The following CDKL5 variants were observed in gnomAD, a reference collection of about 807,000 sequenced individuals.
The protein encoded by CDKL5 is cyclin-dependent kinase-like 5.
A neutral mutation model predicts 61.7 loss-of-function variants in CDKL5; 8 were observed. The observed-to-expected ratio is 0.13, with a 90% CI of 0.08 to 0.23. The LOEUF (loss-of-function observed/expected upper bound fraction) is 0.23. Ranked by LOEUF, CDKL5 falls within the 10% of genes least tolerant of loss-of-function variation. The pLI is 1.00. For synonymous variants in CDKL5, 275 were observed against 272.3 expected, an observed-to-expected ratio of 1.01 and a Z score of -0.10; for missense variants, 440 against 734.5, an observed-to-expected ratio of 0.60 and a Z score of 4.63.
intron 1 of CDKL5, among the ~76,000 whole-genome samples, chrX:18,446,699 C>G (rs1460000098): frequency 9.0e-6 from 1 of 111,653 alleles, no homozygotes; most frequent in Admixed American, 9.6e-5. Context: ...AGTCGGTATT[C>G]CCTGGTGTGA....
intron 1 of CDKL5, among the ~76,000 whole-genome samples, chrX:18,466,713 A>G (rs1378935299): frequency 2.7e-5 from 3 of 111,344 alleles, no homozygotes; most frequent in Middle Eastern, 4.6e-3. Context: ...GGGTTTCGCC[A>G]TGTTGCCCAG....
At chrX:18,570,622 A>G (rs1282264532) in intron 4 of CDKL5, among the ~76,000 whole-genome samples, 1 of 111,707 alleles carries the variant, frequency 9.0e-6, no homozygotes, top group Non-Finnish European at 1.9e-5. Context: ...CTCTTTGGCT[A>G]TACAAAAATG....
chrX:18,544,235 A>G lies in CDKL5; in HGVS notation c.100-20242A>G, dbSNP rs1178861726. ...CTTTGTGAGTCTGGGCTTTATAATC[A>G]TAAGGGCTGTTAGTTCTCTCCATGG... is the stretch of plus-strand genomic sequence containing the variant. On this transcript the variant is annotated intron_variant, in intron 3 of 17. Transcript: ENST00000623535. Among the ~76,000 whole-genome samples the G allele has an allele frequency of 3.6e-5, 4 of 112,081 alleles. No individual in the cohort carries two copies. In the South Asian group the frequency reaches 1.5e-3, roughly 42 times the overall value.
chrX:18,588,413 A>G (rs1269671515), intron 9 of CDKL5: 3 of 263,183 alleles, frequency 1.1e-5, no homozygotes, highest in African/African-American at 8.6e-5. Flanking sequence ...TTTACACACT[A>G]AACTTTGGTT....
At chrX:18,544,028 C>T (rs185738010) in intron 3 of CDKL5, among the ~76,000 whole-genome samples, 247 of 111,878 alleles carry the variant, frequency 2.2e-3, no homozygotes, top group African/African-American at 7.2e-3. Flanking sequence ...GGTAGTGCTT[C>T]CCTGGCCCCA....
chrX:18,580,969 A>G (rs1335998675), intron 6 of CDKL5, among the ~76,000 whole-genome samples: 1 of 107,578 alleles, frequency 9.3e-6, no homozygotes, highest in African/African-American at 3.4e-5. Flanking sequence ...GTAGATCTCC[A>G]CGTCAACTGG....
chrX:18,502,631 ACT>A (rs1450151297), intron 1 of CDKL5, among the ~76,000 whole-genome samples: 2 of 111,307 alleles, frequency 1.8e-5, no homozygotes, highest in Non-Finnish European at 3.8e-5. Context: ...TTCAAGAGTT[ACT>A]CTGACTTCTT....
chrX:18,543,319 A>G (rs771039198), intron 3 of CDKL5, among the ~76,000 whole-genome samples: 3 of 109,504 alleles, frequency 2.7e-5, no homozygotes, highest in Non-Finnish European at 3.8e-5. Flanking sequence ...TTATTTGTCT[A>G]TCGGTGCCAG....
At chrX:18,537,604 A>G (rs1344046728) in intron 3 of CDKL5, among the ~76,000 whole-genome samples, 1 of 111,971 alleles carries the variant, frequency 8.9e-6, no homozygotes, top group Non-Finnish European at 1.9e-5. Flanking sequence ...AAGCTACAGA[A>G]CGGTTTTATC....
At chrX:18,440,679 G>A (rs1460970927) in intron 1 of CDKL5, among the ~76,000 whole-genome samples, 1 of 111,723 alleles carries the variant, frequency 9.0e-6, no homozygotes, top group African/African-American at 3.3e-5. Flanking sequence ...CACTGTGTTG[G>A]TCAGGCTGGT....
At chrX:18,482,674 C>G (rs1405436131) in intron 1 of CDKL5, among the ~76,000 whole-genome samples, 1 of 103,976 alleles carries the variant, frequency 9.6e-6, no homozygotes, top group Non-Finnish European at 2.0e-5. Flanking sequence ...TTTGTCAGTT[C>G]TTGTTTTTTT....
At chrX:18,564,422 C>T in intron 3 of CDKL5, 55 bp from the exon 4 acceptor site, 1 of 871,395 alleles carries the variant, frequency 1.1e-6, no homozygotes. Flanking sequence ...AACTGGAATC[C>T]CCAGTCGGAA....
intron 3 of CDKL5, chrX:18,534,929 CA>C (rs1420735213): frequency 2.7e-5 from 3 of 112,470 alleles, no homozygotes; most frequent in Non-Finnish European, 5.6e-5. Flanking sequence ...AGGTACCAAA[CA>C]GCAGCAGACT....
chrX:18,570,431 T>A (rs1221966439), intron 4 of CDKL5, among the ~76,000 whole-genome samples: 1 of 111,873 alleles, frequency 8.9e-6, no homozygotes, highest in Non-Finnish European at 1.9e-5. Flanking sequence ...CTCATCTTTC[T>A]TGGTGTATGT....
chrX:18,625,905 C>A (rs1364038636), intron 17 of CDKL5, among the ~76,000 whole-genome samples: 1 of 111,438 alleles, frequency 9.0e-6, no homozygotes, highest in African/African-American at 3.3e-5. Flanking sequence ...TTCAGTATCC[C>A]ATAATGAGCA....
chrX:18,427,330 G>C (rs190489231), intron 1 of CDKL5, among the ~76,000 whole-genome samples: 9 of 103,967 alleles, frequency 8.7e-5, no homozygotes, highest in Non-Finnish European at 1.6e-4. Flanking sequence ...CGGGGGTTGG[G>C]GGGGAGGTGA....
chrX:18,609,301 G>A (rs1926463883), intron 13 of CDKL5, among the ~76,000 whole-genome samples, 164 bp from the exon 14 acceptor site: 2 of 111,429 alleles, frequency 1.8e-5, no homozygotes, highest in Admixed American at 1.9e-4. Flanking sequence ...GGCTGAGGCA[G>A]GAGGATTGCT....
At position 18,554,651 on chromosome X, in the gene CDKL5, G is replaced by A. The variant is rs189416371; in HGVS notation, c.100-9826G>A. 4.2e-3 allele frequency among the ~76,000 whole-genome samples: 461 copies of A among 110,365 alleles called. 4 individuals are homozygous for A. The highest frequency in any genetic ancestry group is 0.014 in the African/African-American group (434 of 30,424). On this transcript the variant is annotated intron_variant, in intron 3 of 17. Transcript: ENST00000623535. Reference sequence around the variant, plus strand: ...GGCTGGTCTCGAACTCCTGACCTCAGGTGATCCGTCCGCTTCGGCCTCCCA... The same window carrying A: ...GGCTGGTCTCGAACTCCTGACCTCAAGTGATCCGTCCGCTTCGGCCTCCCA...
At chrX:18,563,020 C>G (rs1436431409) in intron 3 of CDKL5, among the ~76,000 whole-genome samples, 1 of 111,888 alleles carries the variant, frequency 8.9e-6, no homozygotes, top group African/African-American at 3.2e-5. Flanking sequence ...TAAAATCAGA[C>G]AAAGTTTTAA....
Sources: allele counts gnomAD v4.1 joint callset (sites outside exome capture counted in the v4.1 genomes callset), GRCh38; gene constraint gnomAD v4.1.1; transcripts MANE v1.5; gene names NCBI Gene and HGNC (gene_info 2026-07-23, HGNC 2026-07-21).